LMX1A: variants seen among roughly 807,000 people sequenced by gnomAD.
The protein encoded by LMX1A is LIM homeobox transcription factor 1 alpha.
LMX1A carries 15 observed loss-of-function variants against 49.1 expected under a neutral mutation model. That is an observed-to-expected ratio of 0.31 (90% CI 0.20 to 0.47). The LOEUF (loss-of-function observed/expected upper bound fraction) is 0.47, where lower values mean the gene tolerates loss of function less well. Ranked by LOEUF, LMX1A falls within the 20% of genes least tolerant of loss-of-function variation. LMX1A has a pLI of 1.00. For missense variants in LMX1A, 372 were observed against 475.8 expected (o/e 0.78, Z 2.03); for synonymous variants, 167 against 185.7 (o/e 0.90, Z 0.82).
At chr1:165,318,999 T>TCACACACACA (rs35582531) in intron 3 of LMX1A, among the ~76,000 whole-genome samples, 4 of 117,754 alleles carry the variant, frequency 3.4e-5, no homozygotes, top group African/African-American at 1.4e-4. Flanking sequence ...TCTCTCTCTC[T>TCACACACACA]CACACACACA....
chr1:165,259,865 G>C lies in LMX1A; in HGVS notation c.264-10225C>G, dbSNP rs988305718. ...GTCAGACAAGCTGAATGAGTGCACT[G>C]TGTGTGGGACAGTGAGTCTCTCCTA... On this transcript the variant is annotated intron_variant, in intron 3 of 8. Transcript: ENST00000342310. Among the ~76,000 whole-genome samples the C allele has an allele frequency of 2.0e-5, 3 of 152,228 alleles. No individual in the cohort carries two copies. In the East Asian group the frequency reaches 5.8e-4, roughly 29 times the overall value.
At chr1:165,248,820 G>A (rs1482317842) in intron 4 of LMX1A, among the ~76,000 whole-genome samples, 1 of 152,132 alleles carries the variant, frequency 6.6e-6, no homozygotes, top group Non-Finnish European at 1.5e-5. Context: ...CCTGGGCAAG[G>A]GTTTGTGGTG....
chr1:165,335,028 T>C (rs1655858388), intron 3 of LMX1A, among the ~76,000 whole-genome samples: 1 of 152,216 alleles, frequency 6.6e-6, no homozygotes, highest in Admixed American at 6.5e-5. Context: ...ACACCACCCC[T>C]TTGTTAAGAG....
At chr1:165,336,136 G>T (rs1034663212) in intron 3 of LMX1A, among the ~76,000 whole-genome samples, 3 of 151,036 alleles carry the variant, frequency 2.0e-5, no homozygotes, top group African/African-American at 7.3e-5. Flanking sequence ...TAGAAATAAG[G>T]AAAGAGATTC....
chr1:165,326,304 T>C (rs1160785137), intron 3 of LMX1A, among the ~76,000 whole-genome samples: 1 of 152,168 alleles, frequency 6.6e-6, no homozygotes, highest in East Asian at 1.9e-4. Context: ...GATCAGTACT[T>C]CCCTGCACCC....
chr1:165,317,415 A>G (rs1655259098), intron 3 of LMX1A, among the ~76,000 whole-genome samples: 1 of 152,204 alleles, frequency 6.6e-6, no homozygotes, highest in Admixed American at 6.5e-5. Flanking sequence ...AGGATTTTGG[A>G]CTTCAGAATA....
intron 5 of LMX1A, 53 bp downstream of exon 5, chr1:165,213,588 T>G: frequency 6.6e-7 from 1 of 1,525,762 alleles, no homozygotes; most frequent in South Asian, 1.2e-5. Context: ...GGGGTCTGAG[T>G]GCACACAGAG....
intron 4 of LMX1A, among the ~76,000 whole-genome samples, chr1:165,214,271 C>T (rs994010098): frequency 3.9e-5 from 6 of 152,190 alleles, no homozygotes; most frequent in Non-Finnish European, 8.8e-5. Flanking sequence ...TCTTTCTCTC[C>T]TGCTTTGCCA....
chr1:165,294,419 G>C (rs1023470809), intron 3 of LMX1A, among the ~76,000 whole-genome samples: 1 of 152,346 alleles, frequency 6.6e-6, no homozygotes, highest in Admixed American at 6.5e-5. Flanking sequence ...TAGTTGGAAA[G>C]TTTGGCCAGG....
chr1:165,209,695 A>G (rs1195016403), intron 6 of LMX1A, among the ~76,000 whole-genome samples: 1 of 152,218 alleles, frequency 6.6e-6, no homozygotes, highest in Non-Finnish European at 1.5e-5. Context: ...TATGCATCAC[A>G]TTATTCACAT....
chr1:165,324,430 A>G (rs951176305), intron 3 of LMX1A, among the ~76,000 whole-genome samples: 2 of 152,160 alleles, frequency 1.3e-5, no homozygotes, highest in Non-Finnish European at 2.9e-5. Context: ...TTTGGCCATG[A>G]GTCTCAAAGC....
intron 3 of LMX1A, among the ~76,000 whole-genome samples, chr1:165,303,064 T>C (rs1654822953): frequency 6.6e-6 from 1 of 152,224 alleles, no homozygotes. Flanking sequence ...TCAAATCTTC[T>C]TTGGAAGGAT....
chr1:165,331,402 T>C (rs1048857052), intron 3 of LMX1A, among the ~76,000 whole-genome samples: 4 of 152,238 alleles, frequency 2.6e-5, no homozygotes, highest in African/African-American at 7.2e-5. Flanking sequence ...CATGTAGTTA[T>C]TGAACACTGG....
chr1:165,243,182 C>T (rs1259512450), intron 4 of LMX1A, among the ~76,000 whole-genome samples: 1 of 152,180 alleles, frequency 6.6e-6, no homozygotes, highest in Non-Finnish European at 1.5e-5. Context: ...TATTTTGCAA[C>T]TGTTTTGTAA....
At chr1:165,327,615 C>A (rs897586766) in intron 3 of LMX1A, among the ~76,000 whole-genome samples, 31 of 152,332 alleles carry the variant, frequency 2.0e-4, no homozygotes, top group African/African-American at 7.5e-4. Context: ...ACTTAGGAAT[C>A]CCCTCCCAAC....
At chr1:165,240,496 C>T (rs1652610604) in intron 4 of LMX1A, among the ~76,000 whole-genome samples, 1 of 152,178 alleles carries the variant, frequency 6.6e-6, no homozygotes, top group African/African-American at 2.4e-5. Flanking sequence ...AATTGTGCTG[C>T]TCAGCATTCA....
intron 4 of LMX1A, among the ~76,000 whole-genome samples, chr1:165,235,467 G>C (rs896703153): frequency 2.0e-5 from 3 of 152,198 alleles, no homozygotes; most frequent in Non-Finnish European, 2.9e-5. Context: ...GCCTCGGAAA[G>C]CCCTCTCTCG....
intron 4 of LMX1A, among the ~76,000 whole-genome samples, chr1:165,224,962 G>A (rs557427028): frequency 4.5e-4 from 68 of 152,252 alleles, no homozygotes; most frequent in African/African-American, 1.5e-3. Context: ...TGTTTCAATA[G>A]GAAGACAGGA....
chr1:165,203,794 T>C lies in LMX1A; in HGVS notation c.*86A>G. 1 of 1,350,262 alleles carries C rather than the reference T, an allele frequency of 7.4e-7. No individual in the cohort carries two copies. 83.6% of individuals were successfully genotyped at this position (1,350,262 alleles called of 1,614,324 possible). A position where few individuals can be genotyped will look rare whatever the true frequency, so the allele number is the denominator to read the frequency against. On this transcript the variant is annotated 3_prime_UTR_variant, in exon 9 of 9. Transcript: ENST00000342310. The stretch of plus-strand genomic sequence containing the variant: ...CTCCCTCCCCAACCCACCTCTTCCC[T>C]GGCCTCCCTGTCCTAAAGCCAGTGA...
Sources: allele counts gnomAD v4.1 joint callset (sites outside exome capture counted in the v4.1 genomes callset), GRCh38; gene constraint gnomAD v4.1.1; transcripts MANE v1.5; gene names NCBI Gene and HGNC (gene_info 2026-07-23, HGNC 2026-07-21).